The following CELSR1 variants were observed in gnomAD, a reference collection of about 807,000 sequenced individuals.
CELSR1 encodes cadherin EGF LAG seven-pass G-type receptor 1.
Under a neutral mutation model 249.1 loss-of-function variants are expected in CELSR1, and 110 were observed. That is an observed-to-expected ratio of 0.44 (90% CI 0.38 to 0.52). The LOEUF is 0.52. Among genes scored for constraint, CELSR1 ranks in the 20% least tolerant of loss-of-function variants. The pLI is 0.00. For synonymous variants in CELSR1, 2,113 were observed against 1,900.0 expected, an observed-to-expected ratio of 1.11 and a Z score of -2.92; for missense variants, 4,109 against 4,296.4, an observed-to-expected ratio of 0.96 and a Z score of 1.22.
intron 1 of CELSR1, among the ~76,000 whole-genome samples, chr22:46,502,070 G>A (rs1053463925): frequency 2.0e-5 from 3 of 151,808 alleles, no homozygotes; most frequent in African/African-American, 4.8e-5. Context: ...TTTGAGACCA[G>A]TCCAGGCAAT....
intron 5 of CELSR1, among the ~76,000 whole-genome samples, chr22:46,421,185 C>T (rs1017420239): frequency 1.3e-5 from 2 of 151,356 alleles, no homozygotes; most frequent in South Asian, 2.1e-4. Context: ...TCAGCCACCA[C>T]CACCCTCCCT....
chr22:46,372,296 C>T (rs1305439183), intron 25 of CELSR1, among the ~76,000 whole-genome samples: 1 of 148,540 alleles, frequency 6.7e-6, no homozygotes, highest in Non-Finnish European at 1.5e-5. Context: ...CATCCATCCA[C>T]TCGCTCCCCA....
In CELSR1 at chr22:46,411,767, A is replaced by G; in HGVS notation, c.4612-8T>C. The G allele has an allele frequency of 6.2e-7, 1 of 1,613,926 alleles. No individual in the cohort carries two copies. The stretch of plus-strand genomic sequence containing the variant: ...CAGGTGGCCAATATTGGGCTGTAAG[A>G]AGAGAAAGCACAGAAGGTGTCAGCG... On this transcript the variant is annotated splice_region_variant and splice_polypyrimidine_tract_variant and intron_variant, in intron 5 of 34. Transcript: ENST00000674500. This position sits in a 1 kb window ranked among gnomAD's most constrained non-coding sequence, Gnocchi z 4.2.
In CELSR1 at chr22:46,396,105, C is replaced by T. The variant is rs951603243; in HGVS notation, c.5843+500G>A. ...ATGATCCAATGGGGTTAGTTTGAGA[C>T]GTCCAAATTGATTCTCATTGCCCAA... is the stretch of plus-strand genomic sequence containing the variant. On this transcript the variant is annotated intron_variant, in intron 13 of 34. Transcript: ENST00000674500. This position sits in a 1 kb window ranked among gnomAD's most constrained non-coding sequence, Gnocchi z 6.4. Among the ~76,000 whole-genome samples the T allele has an allele frequency of 3.3e-5, 5 of 152,150 alleles. No individual in the cohort carries two copies. The highest frequency in any genetic ancestry group is 1.2e-4 in the African/African-American group (5 of 41,430).
At position 46,428,585 on chromosome 22, in the gene CELSR1, G is replaced by C. The variant is rs535248196; in HGVS notation, c.4611+4808C>G. The stretch of plus-strand genomic sequence containing the variant: ...TGAAGACCTCTTGGTTGTCAAAACC[G>C]GGTTAGGGGAACAGCTGGAGTCTAG... On this transcript the variant is annotated intron_variant, in intron 5 of 34. Transcript: ENST00000674500. This position sits in a 1 kb window ranked among gnomAD's most constrained non-coding sequence, Gnocchi z 5.7. Among the ~76,000 whole-genome samples the C allele has an allele frequency of 6.6e-6, 1 of 152,362 alleles. No individual in the cohort carries two copies. The highest frequency in any genetic ancestry group is 2.4e-5 in the African/African-American group (1 of 41,594).
In CELSR1 at chr22:46,533,834, T is replaced by C. The variant is rs1349840252; in HGVS notation, c.3337A>G (p.Thr1113Ala). ...DFQILFNNYV[T>A]NKSNSFPTGV... Reference sequence around the variant, plus strand: ...GTGGGGAAACTGTTGGACTTGTTGGTGACATAGTTGTTGAAGAGGATCTGG... The same window carrying C: ...GTGGGGAAACTGTTGGACTTGTTGGCGACATAGTTGTTGAAGAGGATCTGG... Residue 1113 changes from threonine to alanine, a missense_variant, in exon 1 of 35, where the codon ACC becomes GCC. This residue lies in a region of CELSR1 where 886 missense variants were observed against 896.5 expected (regional missense o/e 0.99). Transcript: ENST00000674500. 12 of 1,613,750 alleles carry C rather than the reference T, an allele frequency of 7.4e-6. No individual in the cohort carries two copies. In the African/African-American group the frequency reaches 1.3e-4, roughly 18 times the overall value.
In CELSR1 at chr22:46,463,872, G is replaced by A; in HGVS notation, c.4018C>T (p.Pro1340Ser). ...CGCAGGCCGTTGATGGGGTGGATGGGCCGGAAGAGCACGGTGGTGGAGCTG... is the reference window on the plus strand; with the variant it reads ...CGCAGGCCGTTGATGGGGTGGATGGACCGGAAGAGCACGGTGGTGGAGCTG... Reference protein sequence around the residue: ...FLSSTTVLFRPIHPINGLRCR... With the variant: ...FLSSTTVLFRSIHPINGLRCR... Residue 1340 changes from proline (P) to serine (S), a missense_variant, in exon 2 of 35, where the codon CCC becomes TCC. Physicochemically the swap from Pro to Ser is moderately conservative, Grantham distance 74. This residue lies in a region of CELSR1 where 141 missense variants were observed against 209.4 expected (regional missense o/e 0.67). Coordinates refer to ENST00000674500, the MANE Select transcript of CELSR1 (RefSeq NM_001378328.1). The A allele has an allele frequency of 6.2e-7, 1 of 1,613,056 alleles. No homozygotes were observed. The highest frequency in any genetic ancestry group is 8.5e-7 in the Non-Finnish European group (1 of 1,179,558).
intron 2 of CELSR1, among the ~76,000 whole-genome samples, chr22:46,452,017 A>AC (rs373916733): frequency 1.7e-4 from 26 of 152,144 alleles, no homozygotes; most frequent in African/African-American, 5.3e-4. Flanking sequence ...CCGGGGAGGC[A>AC]GGGGGGCTCC....
In CELSR1 at chr22:46,537,410, C is replaced by T. The variant is rs1236582959; in HGVS notation, c.-240G>A. On this transcript the variant is annotated 5_prime_UTR_variant, in exon 1 of 35. Coordinates refer to ENST00000674500, the MANE Select transcript of CELSR1 (RefSeq NM_001378328.1). The surrounding 1 kb of genome is among the most constrained non-coding windows in gnomAD (Gnocchi z 5.8). The stretch of plus-strand genomic sequence containing the variant: ...TGCGAAGTTGGTTTCAAGATGGCTC[C>T]TCCGCGCGTCCCGGGAGGGCGCCGC... 6.7e-6 allele frequency among the ~76,000 whole-genome samples: 1 copy of T among 148,786 alleles called. No individual in the cohort carries two copies. The highest frequency in any genetic ancestry group is 2.0e-4 in the East Asian group (1 of 5,078).
rs555554776 is a variant in CELSR1, at chr22:46,404,009, A to C, written c.5227-4107T>G. Among the ~76,000 whole-genome samples the C allele has an allele frequency of 4.6e-4, 70 of 151,814 alleles. 1 individual carries two copies. The South Asian group carries it at 0.011, about 24-fold the overall frequency. ...AAAAAAAGAAAAAAAGAAAAAAAAA[A>C]CTGACTAGATCTGGGCTGTAAACCA... On this transcript the variant is annotated intron_variant, in intron 9 of 34. Coordinates refer to ENST00000674500, the MANE Select transcript of CELSR1 (RefSeq NM_001378328.1).
At chr22:46,492,539 T>G (rs1264230276) in intron 1 of CELSR1, among the ~76,000 whole-genome samples, 5 of 152,112 alleles carry the variant, frequency 3.3e-5, no homozygotes, top group Non-Finnish European at 7.4e-5. Flanking sequence ...AACAGGCTCT[T>G]GGGGCCAGGC....
intron 23 of CELSR1, among the ~76,000 whole-genome samples, chr22:46,378,325 C>G (rs1447501423): frequency 6.6e-6 from 1 of 152,170 alleles, no homozygotes; most frequent in Non-Finnish European, 1.5e-5. Flanking sequence ...AATACATAAC[C>G]AGGGCTCTCT....
At chr22:46,422,447 A>G (rs1265951831) in intron 5 of CELSR1, among the ~76,000 whole-genome samples, 1 of 150,384 alleles carries the variant, frequency 6.6e-6, no homozygotes, top group Non-Finnish European at 1.5e-5. Flanking sequence ...AAAAGAAAAA[A>G]CCAGGGCCGG....
At chr22:46,438,275 G>C (rs552396923) in intron 3 of CELSR1, among the ~76,000 whole-genome samples, 1 of 152,304 alleles carries the variant, frequency 6.6e-6, no homozygotes, top group African/African-American at 2.4e-5. Flanking sequence ...GCCCACTTGG[G>C]AGCCTGGACA....
chr22:46,483,760 C>A lies in CELSR1; in HGVS notation c.3545-19415G>T, dbSNP rs140731572. 4.2e-3 allele frequency among the ~76,000 whole-genome samples: 635 copies of A among 152,258 alleles called. 2 individuals carry two copies. The highest frequency in any genetic ancestry group is 7.3e-3 in the Non-Finnish European group (499 of 68,016). On this transcript the variant is annotated intron_variant, in intron 1 of 34. Transcript: ENST00000674500. ...AACTGTGCCCAGGACACACAGCTGT[C>A]TGTTGGGGATGCAGGTCGCCATCTT...
rs1173818322 is a variant in CELSR1 at position 46,446,816 on chromosome 22, CT to C, written c.4184-7406del. On this transcript the variant is annotated intron_variant, in intron 2 of 34. Transcript: ENST00000674500. The surrounding 1 kb of genome is among the most constrained non-coding windows in gnomAD (Gnocchi z 5.5). ...TGAATTAATTTTATAGTTAAAACAT[CT>C]TTTCTTTTTTTTAATAAAGGACCAT... 6.6e-6 allele frequency among the ~76,000 whole-genome samples: 1 copy of C among 152,020 alleles called. No homozygotes were observed. The highest frequency in any genetic ancestry group is 1.5e-5 in the Non-Finnish European group (1 of 68,012).
chr22:46,529,365 T>C (rs2080769967), intron 1 of CELSR1, among the ~76,000 whole-genome samples: 1 of 151,834 alleles, frequency 6.6e-6, no homozygotes, highest in African/African-American at 2.4e-5. Context: ...AAAACAAATA[T>C]CCCACGTTCA....
In CELSR1 at chr22:46,527,506, C is replaced by G. The variant is rs1044392355; in HGVS notation, c.3544+6121G>C. On this transcript the variant is annotated intron_variant, in intron 1 of 34. Coordinates refer to ENST00000674500, the MANE Select transcript of CELSR1 (RefSeq NM_001378328.1). This position sits in a 1 kb window ranked among gnomAD's most constrained non-coding sequence, Gnocchi z 5.5. Reference sequence around the variant, plus strand: ...AGTCCCAGCCCGCCCTTGCCTGCACCTGGTGTCACCACTCTACCCCTGAGC... The same window carrying G: ...AGTCCCAGCCCGCCCTTGCCTGCACGTGGTGTCACCACTCTACCCCTGAGC... Among the ~76,000 whole-genome samples the G allele has an allele frequency of 2.0e-5, 3 of 152,232 alleles. No homozygotes were observed. Among genetic ancestry groups the G allele is most frequent in the African/African-American group, 7.2e-5 (3 of 41,458 alleles).
intron 5 of CELSR1, among the ~76,000 whole-genome samples, chr22:46,414,669 C>T (rs565762609): frequency 1.3e-5 from 2 of 152,090 alleles, no homozygotes; most frequent in Admixed American, 6.5e-5. Context: ...GCAAGTGTCA[C>T]GGAGGCAGGG....
Sources: allele counts gnomAD v4.1 joint callset (sites outside exome capture counted in the v4.1 genomes callset), GRCh38; gene constraint gnomAD v4.1.1; regional missense constraint gnomAD v4.1.1; non-coding constraint Gnocchi (gnomAD v3.1); transcripts MANE v1.5; gene names NCBI Gene and HGNC (gene_info 2026-07-23, HGNC 2026-07-21).